The following CLIP1 variants were observed in gnomAD, a reference collection of about 807,000 sequenced individuals.
The protein encoded by CLIP1 is CAP-Gly domain containing linker protein 1, also known as CAP-Gly domain-containing linker protein 1.
In CLIP1, 66 loss-of-function variants were observed where a neutral mutation model predicts 161.6. That is an observed-to-expected ratio of 0.41 (90% CI 0.33 to 0.50). CLIP1 has a LOEUF of 0.50. Ranked by LOEUF, CLIP1 falls within the 20% of genes least tolerant of loss-of-function variation. The pLI is 0.27. For synonymous variants in CLIP1, 598 were observed against 626.2 expected (o/e 0.96, Z 0.67); for missense variants, 1,376 against 1,702.0 (o/e 0.81, Z 3.37).
chr12:122,324,392 A>G (rs1007710798), intron 17 of CLIP1: 6 of 152,430 alleles, frequency 3.9e-5, no homozygotes, highest in Non-Finnish European at 4.4e-5. Context: ...CTACAGAAAC[A>G]AAAGATGGAA....
intron 1 of CLIP1, among the ~76,000 whole-genome samples, chr12:122,401,330 C>T (rs1489549786): frequency 6.6e-6 from 1 of 152,072 alleles, no homozygotes; most frequent in Admixed American, 6.6e-5. Context: ...TCAATACCAG[C>T]CTGGGAAACT....
intron 17 of CLIP1, 47 bp downstream of exon 17, chr12:122,327,898 CAG>C: frequency 6.3e-7 from 1 of 1,578,170 alleles, no homozygotes; most frequent in African/African-American, 1.3e-5. Context: ...TGCCTCGACA[CAG>C]AGCTCAGGCA....
intron 15 of CLIP1, among the ~76,000 whole-genome samples, chr12:122,329,073 T>TG (rs200535235): frequency 0.014 from 2,149 of 152,302 alleles, 39 homozygotes; most frequent in African/African-American, 0.046. Context: ...CTTATGCCTA[T>TG]GATCCCAGCA....
At chr12:122,374,297 C>A (rs1017914742) in intron 3 of CLIP1, among the ~76,000 whole-genome samples, 1 of 147,176 alleles carries the variant, frequency 6.8e-6, no homozygotes, top group Non-Finnish European at 1.5e-5. Context: ...CAGTGAAACC[C>A]CGTCTCTACT....
chr12:122,318,037 T>C (rs1951337534), intron 18 of CLIP1, among the ~76,000 whole-genome samples: 1 of 152,216 alleles, frequency 6.6e-6, no homozygotes, highest in Non-Finnish European at 1.5e-5. Flanking sequence ...CATCTTCTCT[T>C]AGGATTGTCA....
chr12:122,378,341 C>T (rs1009126511), intron 2 of CLIP1, among the ~76,000 whole-genome samples: 2 of 152,172 alleles, frequency 1.3e-5, no homozygotes, highest in Non-Finnish European at 1.5e-5. Flanking sequence ...CCCGCCTCAG[C>T]CTCCCAAAGT....
intron 11 of CLIP1, among the ~76,000 whole-genome samples, chr12:122,339,999 G>T (rs1028798797): frequency 2.0e-5 from 3 of 151,822 alleles, no homozygotes; most frequent in Non-Finnish European, 4.4e-5. Context: ...TTGTTTATGT[G>T]GTCCATTGTT....
At chr12:122,321,911 A>G (rs761324228) in intron 17 of CLIP1, among the ~76,000 whole-genome samples, 3 of 152,188 alleles carry the variant, frequency 2.0e-5, no homozygotes, top group Non-Finnish European at 4.4e-5. Context: ...TTTTTTTCAA[A>G]TGGGGAGAGA....
rs536970371 is a variant in CLIP1 at position 122,379,944 on chromosome 12, T to TTAAA, written c.85+423_85+424insTTTA. Among the ~76,000 whole-genome samples, 70 of 99,734 alleles carry TTAAA rather than the reference T, an allele frequency of 7.0e-4. 1 individual carries two copies. The South Asian group carries it at 0.019, about 28-fold the overall frequency. 65.4% of individuals were successfully genotyped at this position (99,734 alleles called of 152,430 possible). On this transcript the variant is annotated intron_variant, in intron 2 of 25. Coordinates refer to ENST00000620786, the MANE Select transcript of CLIP1 (RefSeq NM_001247997.2). ...GGGGAATAGAGCAAGACTCCATCTT[T>TTAAA]AAAAAAAAAAAAAAAAAATGCAAGG...
At chr12:122,302,905 G>A (rs554355043) in intron 20 of CLIP1, among the ~76,000 whole-genome samples, 22 of 152,060 alleles carry the variant, frequency 1.4e-4, no homozygotes, top group African/African-American at 5.3e-4. Context: ...CCTAAATATA[G>A]ATACATTTTT....
At chr12:122,398,521 ATTT>A (rs967771187) in intron 1 of CLIP1, among the ~76,000 whole-genome samples, 6 of 152,054 alleles carry the variant, frequency 3.9e-5, no homozygotes, top group African/African-American at 1.4e-4. Context: ...AAAGTACTAT[ATTT>A]TTATAAAAGC....
At position 122,355,614 on chromosome 12, in the gene CLIP1, G is replaced by A. The variant is rs1953299224; in HGVS notation, c.1006-302C>T. ...ACTTGAGGCCAGGAGTTTGAGACCT[G>A]GCCAAGATGATGAGACCCCATCTCT... On this transcript the variant is annotated intron_variant, in intron 5 of 25. Transcript: ENST00000620786. The surrounding 1 kb of genome is among the most constrained non-coding windows in gnomAD (Gnocchi z 4.1). The A allele has an allele frequency of 3.3e-6, 1 of 306,240 alleles. No homozygotes were observed. Among genetic ancestry groups the A allele is most frequent in the Non-Finnish European group, 6.1e-6 (1 of 163,740 alleles). 19.0% of individuals were successfully genotyped at this position (306,240 alleles called of 1,614,324 possible).
intron 3 of CLIP1, among the ~76,000 whole-genome samples, chr12:122,368,563 G>A (rs1315719353): frequency 6.6e-6 from 1 of 152,168 alleles, no homozygotes; most frequent in Non-Finnish European, 1.5e-5. Flanking sequence ...GCAGTAATGA[G>A]GGGTTGTTTC....
intron 21 of CLIP1, among the ~76,000 whole-genome samples, chr12:122,282,118 G>A (rs73404006): frequency 0.015 from 2,301 of 152,268 alleles, 56 homozygotes; most frequent in African/African-American, 0.052. Context: ...TTACCAACAC[G>A]TGCATGGTTA....
In CLIP1 at chr12:122,403,621, C is replaced by T. The variant is rs527646978; in HGVS notation, c.-107+18900G>A. 2.0e-4 allele frequency among the ~76,000 whole-genome samples: 30 copies of T among 150,028 alleles called. No individual in the cohort carries two copies. The South Asian group carries it at 5.9e-3, about 29-fold the overall frequency. Reference sequence around the variant, plus strand: ...GCAACCTCTGCCTCCTGGGTTCAAGCGATTCTCCTGCCTCAGCCTCCTGAG... The same window carrying T: ...GCAACCTCTGCCTCCTGGGTTCAAGTGATTCTCCTGCCTCAGCCTCCTGAG... On this transcript the variant is annotated intron_variant, in intron 1 of 25. Transcript: ENST00000620786.
intron 9 of CLIP1, chr12:122,350,909 A>C: frequency 2.4e-6 from 1 of 417,914 alleles, no homozygotes; most frequent in Non-Finnish European, 4.2e-6. Context: ...TAAACACATG[A>C]ATGTGTGGAG....
intron 19 of CLIP1, among the ~76,000 whole-genome samples, chr12:122,310,736 T>A (rs1011950155): frequency 3.3e-5 from 5 of 152,244 alleles, no homozygotes; most frequent in African/African-American, 9.6e-5. Context: ...TTTAAGTACA[T>A]CTGTGTTGGT....
intron 20 of CLIP1, among the ~76,000 whole-genome samples, chr12:122,300,783 T>C (rs1272723837): frequency 8.5e-5 from 13 of 152,220 alleles, no homozygotes; most frequent in Admixed American, 8.5e-4. Flanking sequence ...CAAATTTTGT[T>C]AGTCACATTC....
At chr12:122,390,172 G>GATATATATATATATATATAT (rs71082979) in intron 1 of CLIP1, among the ~76,000 whole-genome samples, 30 of 93,522 alleles carry the variant, frequency 3.2e-4, no homozygotes, top group Non-Finnish European at 5.2e-4. Context: ...CACAGTCTCA[G>GATATATATATATATATATAT]ATATATATAT....
Sources: allele counts gnomAD v4.1 joint callset (sites outside exome capture counted in the v4.1 genomes callset), GRCh38; gene constraint gnomAD v4.1.1; non-coding constraint Gnocchi (gnomAD v3.1); transcripts MANE v1.5; gene names NCBI Gene and HGNC (gene_info 2026-07-23, HGNC 2026-07-21).